Variants in DENND1A observed in about 807,000 individuals in gnomAD.
DENND1A encodes DENN domain-containing protein 1A.
Under a neutral mutation model 113.7 loss-of-function variants are expected in DENND1A, and 51 were observed. The ratio of observed to expected loss-of-function variants is 0.45; its 90% CI spans 0.36 to 0.57. The LOEUF (loss-of-function observed/expected upper bound fraction) is 0.57. Ranked by LOEUF, DENND1A falls within the 20% of genes least tolerant of loss-of-function variation. DENND1A has a pLI of 0.00. For missense variants in DENND1A, 1,258 were observed against 1,395.9 expected (o/e 0.90, Z 1.57); for synonymous variants, 565 against 570.8 (o/e 0.99, Z 0.14).
chr9:123,514,231 C>T (rs1347127447), intron 13 of DENND1A, among the ~76,000 whole-genome samples: 1 of 152,022 alleles, frequency 6.6e-6, no homozygotes, highest in Non-Finnish European at 1.5e-5. Context: ...ATGAGGAATG[C>T]ACCACATGGA....
intron 11 of DENND1A, among the ~76,000 whole-genome samples, chr9:123,607,258 C>T (rs1407109322): frequency 6.6e-6 from 1 of 151,450 alleles, no homozygotes; most frequent in East Asian, 2.0e-4. Flanking sequence ...AAGGCTTTTG[C>T]AAGAATCCAA....
chr9:123,624,427 A>G (rs1469098236), intron 10 of DENND1A, among the ~76,000 whole-genome samples: 1 of 152,230 alleles, frequency 6.6e-6, no homozygotes, highest in African/African-American at 2.4e-5. Flanking sequence ...ACCCTTCATT[A>G]TGGAAGCTGT....
intron 10 of DENND1A, among the ~76,000 whole-genome samples, chr9:123,617,169 T>A (rs980925227): frequency 5.9e-5 from 9 of 152,360 alleles, no homozygotes; most frequent in Middle Eastern, 3.4e-3. Context: ...AAGTATTTAA[T>A]GTCTTTCCTG....
intron 2 of DENND1A, among the ~76,000 whole-genome samples, chr9:123,851,054 A>C (rs61344058): frequency 0.012 from 1,790 of 152,318 alleles, 36 homozygotes; most frequent in African/African-American, 0.041. Context: ...AAAAAAAATA[A>C]GAAAACACAA....
chr9:123,644,396 A>C (rs1051790671), intron 9 of DENND1A, among the ~76,000 whole-genome samples: 2 of 148,528 alleles, frequency 1.3e-5, no homozygotes, highest in African/African-American at 2.4e-5. Flanking sequence ...AAAAAAAAAA[A>C]AAAAAACCTC....
intron 2 of DENND1A, among the ~76,000 whole-genome samples, chr9:123,834,898 A>G (rs1840822824): frequency 6.6e-6 from 1 of 152,216 alleles, no homozygotes. Context: ...ATGTTTTAAC[A>G]CATTTAACCT....
In DENND1A at chr9:123,381,607, G is replaced by A. The variant is rs1417851475; in HGVS notation, c.3038C>T (p.Pro1013Leu). ...TGGCTCCAGGCCTTGAGGGGGCCTG[G>A]GAGGCAGAAGCGGGGGGTCTCCAGG... ...LRPGDPPLLP[P>L]RPPQGLEPTL... is the part of the protein sequence containing the mutation. Residue 1013 changes from proline (P) to leucine (L), a missense_variant, in exon 24 of 24, where the codon CCC (proline) becomes CTC (leucine). Physicochemically the swap from Pro to Leu is moderately conservative, Grantham distance 98. Transcript: ENST00000394215. The surrounding 1 kb of genome is among the most constrained non-coding windows in gnomAD (Gnocchi z 4.7). The A allele has an allele frequency of 1.2e-6, 2 of 1,612,922 alleles. No homozygotes were observed. Among genetic ancestry groups the A allele is most frequent in the African/African-American group, 2.7e-5 (2 of 74,908 alleles).
Position 123,757,831 on chromosome 9 carries a change from A to G in DENND1A, c.183-9T>C. On this transcript the variant is annotated splice_polypyrimidine_tract_variant and intron_variant, in intron 4 of 23. Coordinates refer to ENST00000394215, the MANE Select transcript of DENND1A (RefSeq NM_001352964.2). ...CTTGGCTAACTGTGAGGCTGCAGCA[A>G]AGGCAGAACAAAGGGGAAAATGAAT... 6.2e-7 allele frequency: 1 copy of G among 1,613,074 alleles called. No individual in the cohort carries two copies. The highest frequency in any genetic ancestry group is 1.3e-5 in the African/African-American group (1 of 75,026).
At chr9:123,571,500 T>G (rs561145671) in intron 12 of DENND1A, among the ~76,000 whole-genome samples, 25 of 152,218 alleles carry the variant, frequency 1.6e-4, no homozygotes, top group Admixed American at 5.9e-4. Flanking sequence ...ACTGATCTGC[T>G]TTCAGCCACT....
chr9:123,867,011 T>C (rs1845883763), intron 2 of DENND1A, among the ~76,000 whole-genome samples: 1 of 152,178 alleles, frequency 6.6e-6, no homozygotes, highest in Non-Finnish European at 1.5e-5. Flanking sequence ...AGCAGAAAAT[T>C]CTAATGTCTA....
chr9:123,502,980 G>A (rs931731484), intron 13 of DENND1A, among the ~76,000 whole-genome samples: 4 of 152,220 alleles, frequency 2.6e-5, no homozygotes, highest in Admixed American at 2.0e-4. Context: ...ATCTAGCCGT[G>A]ACCATGGCTG....
chr9:123,601,473 G>A (rs372533796), intron 11 of DENND1A, among the ~76,000 whole-genome samples: 26 of 152,364 alleles, frequency 1.7e-4, no homozygotes, highest in African/African-American at 6.3e-4. Context: ...AAGGTGAGCA[G>A]AGCCTGCTGC....
intron 21 of DENND1A, 43 bp downstream of exon 21, chr9:123,403,359 A>G: frequency 6.2e-7 from 1 of 1,605,056 alleles, no homozygotes; most frequent in Non-Finnish European, 8.5e-7. Flanking sequence ...GGCTCCGCAG[A>G]CACAGGGTTC....
chr9:123,928,633 C>T (rs555012168), intron 1 of DENND1A: 1 of 985,416 alleles, frequency 1.0e-6, no homozygotes, highest in East Asian at 1.1e-4. Context: ...GCAGATGTCT[C>T]AAGGCTGCTG....
chr9:123,521,454 T>TA (rs1053554906), intron 13 of DENND1A, among the ~76,000 whole-genome samples: 4 of 152,178 alleles, frequency 2.6e-5, no homozygotes, highest in Admixed American at 1.3e-4. Flanking sequence ...TCCCCATTTG[T>TA]AAAAAATAAG....
intron 1 of DENND1A, among the ~76,000 whole-genome samples, chr9:123,906,086 A>G (rs1198131451): frequency 2.6e-5 from 4 of 152,116 alleles, no homozygotes. Context: ...TGGAAACTGA[A>G]CAACCTGCTC....
intron 1 of DENND1A, among the ~76,000 whole-genome samples, chr9:123,926,706 G>A (rs989229020): frequency 4.7e-5 from 7 of 150,122 alleles, no homozygotes; most frequent in African/African-American, 9.8e-5. Context: ...CACTCAACTC[G>A]GTCTTAATTA....
intron 19 of DENND1A, among the ~76,000 whole-genome samples, chr9:123,420,149 A>G (rs1423781317): frequency 2.0e-5 from 3 of 152,230 alleles, no homozygotes; most frequent in Non-Finnish European, 4.4e-5. Flanking sequence ...CCACTCACAC[A>G]GGGCAACAAG....
chr9:123,690,808 C>T (rs982870137), intron 5 of DENND1A, among the ~76,000 whole-genome samples: 16 of 152,238 alleles, frequency 1.1e-4, no homozygotes, highest in East Asian at 5.8e-4. Context: ...AACAGCCCTC[C>T]TGCTTCTGTG....
Sources: gnomAD v4.1 joint callset for allele counts (sites outside exome capture counted in the v4.1 genomes callset) on GRCh38, gnomAD v4.1.1 for gene constraint, Gnocchi (gnomAD v3.1) non-coding constraint, MANE v1.5 for transcripts, NCBI Gene and HGNC (gene_info 2026-07-23, HGNC 2026-07-21) for gene names.